CSF1R: variants seen among roughly 807,000 people sequenced by gnomAD.
The protein encoded by CSF1R is macrophage colony-stimulating factor 1 receptor.
A neutral mutation model predicts 110.0 loss-of-function variants in CSF1R; 40 were observed. The ratio of observed to expected loss-of-function variants is 0.36; its 90% confidence interval spans 0.28 to 0.47. The LOEUF (loss-of-function observed/expected upper bound fraction) is 0.47. Ranked by LOEUF, CSF1R falls within the 20% of genes least tolerant of loss-of-function variation. The pLI, the probability that CSF1R is intolerant of heterozygous loss-of-function variation, is 0.99. For synonymous variants in CSF1R, 523 were observed against 503.4 expected (o/e 1.04, Z -0.52); for missense variants, 1,052 against 1,253.0 (o/e 0.84, Z 2.42).
At position 150,073,512 on chromosome 5, in the gene CSF1R, A is replaced by C. The variant is rs1337113770; in HGVS notation, c.890-19T>G. The C allele has an allele frequency of 6.2e-7, 1 of 1,605,820 alleles. No homozygotes were observed. The highest frequency in any genetic ancestry group is 2.2e-5 in the East Asian group (1 of 44,630). On this transcript the variant is annotated intron_variant, in intron 5 of 20. Transcript: ENST00000675795. ...GCACTCTCTGGAAAGCAGAACACAC[A>C]AGCATCTGGCATTAGTGGGAAGATG...
intron 10 of CSF1R, among the ~76,000 whole-genome samples, chr5:150,066,640 G>GA (rs1236551975): frequency 1.3e-5 from 2 of 152,248 alleles, no homozygotes; most frequent in Non-Finnish European, 2.9e-5. Context: ...AGTGCTGGCA[G>GA]GAGTAGAGAT....
rs138251519 is a variant in CSF1R at position 150,073,350 on chromosome 5, G to C, written c.1033C>G (p.His345Asp). 3.1e-6 allele frequency: 5 copies of C among 1,613,892 alleles called. No individual in the cohort carries two copies. In the African/African-American group the frequency reaches 6.7e-5, roughly 22 times the overall value. ...NWTYLGPFSD[H>D]QPEPKLANAT... ...TTAGCAAGCTTGGGCTCAGGCTGGT[G>C]GTCAGAAAAGGGTCCCAGGTAGGTC... is the stretch of plus-strand genomic sequence containing the variant. Residue 345 changes from histidine (H) to aspartate (D), a missense_variant, in exon 6 of 21, where the codon CAC (histidine) becomes GAC (aspartate). By Grantham distance (81) the His-to-Asp change is moderately conservative. Around this residue, in one of 5 missense-constraint regions of CSF1R, gnomAD observed 693 missense variants for 735.4 expected, o/e 0.94. Coordinates refer to ENST00000675795, the MANE Select transcript of CSF1R (RefSeq NM_001288705.3).
chr5:150,076,655 G>A (rs755110988), intron 5 of CSF1R, among the ~76,000 whole-genome samples: 3 of 152,082 alleles, frequency 2.0e-5, no homozygotes, highest in Non-Finnish European at 2.9e-5. Flanking sequence ...CACCTCCTCT[G>A]CTCCCCTGTG....
intron 3 of CSF1R, 48 bp downstream of exon 3, chr5:150,080,004 C>A: frequency 6.3e-7 from 1 of 1,585,394 alleles, no homozygotes; most frequent in Non-Finnish European, 8.6e-7. Context: ...CGCCGGCTCT[C>A]TGTCCCCACT....
rs557251424 is a variant in CSF1R at position 150,059,789 on chromosome 5, G to A, written c.2043C>T (p.Ala681=). The A allele has an allele frequency of 1.2e-6, 2 of 1,614,174 alleles. No individual in the cohort carries two copies. Among genetic ancestry groups the A allele is most frequent in the South Asian group, 2.2e-5 (2 of 91,084 alleles). ...LLNFLRRKAE[A]MLGPSLSPGQ... Reference sequence around the variant, plus strand: ...CGGGGCTCAGGCTGGGTCCCAGCATGGCCTCAGCCTTCCTTCGCAGAAAGT... The same window carrying A: ...CGGGGCTCAGGCTGGGTCCCAGCATAGCCTCAGCCTTCCTTCGCAGAAAGT... The change falls in exon 14 of 21, where the codon GCC becomes GCT. Residue 681 remains alanine, a synonymous_variant. Transcript: ENST00000675795.
intron 1 of CSF1R, among the ~76,000 whole-genome samples, chr5:150,095,834 C>T (rs187057858): frequency 6.7e-6 from 1 of 148,316 alleles, no homozygotes; most frequent in African/African-American, 2.5e-5. Context: ...TCAATACCAA[C>T]CCTACCAACA....
intron 1 of CSF1R, among the ~76,000 whole-genome samples, chr5:150,106,772 C>A (rs1358693343): frequency 1.3e-5 from 2 of 152,166 alleles, no homozygotes; most frequent in African/African-American, 4.8e-5. Context: ...ACTTGCAGCT[C>A]CTGCATACAC....
chr5:150,086,574 C>T, upstream of CSF1R: 2 of 676,656 alleles, frequency 3.0e-6, no homozygotes, highest in Non-Finnish European at 5.0e-6. Context: ...TCCTCTTCCT[C>T]CTCCTTGGGC....
chr5:150,075,926 C>T (rs997615208), intron 5 of CSF1R, among the ~76,000 whole-genome samples: 1 of 152,250 alleles, frequency 6.6e-6, no homozygotes, highest in African/African-American at 2.4e-5. Context: ...GTGCCTTGCA[C>T]ATACTCTAGG....
Position 150,053,835 on chromosome 5 carries a change from A to G in CSF1R, c.*234T>C, listed in dbSNP as rs114947856. 584 of 503,828 alleles carry G rather than the reference A, an allele frequency of 1.2e-3. 5 individuals are homozygous for G. In the African/African-American group the frequency reaches 0.015, roughly 13 times the overall value. The allele number at this position is 503,828 out of a possible 1,614,324, so 31.2% of individuals were successfully genotyped here. A position where few individuals can be genotyped will look rare whatever the true frequency, so the allele number is the denominator to read the frequency against. ...GCCAACACCATGAGAACAGTAGGGG[A>G]GGGGGGGGTGAGGGCTCAGCCCCCA... On this transcript the variant is annotated 3_prime_UTR_variant, in exon 21 of 21. Transcript: ENST00000675795.
At position 150,084,386 on chromosome 5, in the gene CSF1R, AGAAAGAAGGAAGGAAGGAAGGAAG is replaced by A. The variant is rs1220380276; in HGVS notation, c.49+1969_49+1992del. On this transcript the variant is annotated intron_variant, in intron 1 of 20. Coordinates refer to ENST00000675795, the MANE Select transcript of CSF1R (RefSeq NM_001288705.3). ...AAGAAAGAAAGAAAGAAAGAAAGAA[AGAAAGAAGGAAGGAAGGAAGGAAG>A]GAAGGAAGGAAGGAAGGAAGGAAGG... Among the ~76,000 whole-genome samples the A allele has an allele frequency of 1.9e-3, 88 of 45,400 alleles. 1 individual carries two copies. Among genetic ancestry groups the A allele is most frequent in the South Asian group, 5.3e-3 (8 of 1,496 alleles). 29.8% of individuals were successfully genotyped at this position (45,400 alleles called of 152,430 possible). A position where few individuals can be genotyped will look rare whatever the true frequency, so the allele number is the denominator to read the frequency against.
At chr5:150,105,388 T>G (rs866469503) in intron 1 of CSF1R, among the ~76,000 whole-genome samples, 1 of 72,948 alleles carries the variant, frequency 1.4e-5, no homozygotes, top group Non-Finnish European at 3.2e-5. Context: ...ATATATATTT[T>G]TTTTTTTTTA....
intron 10 of CSF1R, among the ~76,000 whole-genome samples, chr5:150,066,479 G>T (rs927439966): frequency 2.0e-5 from 3 of 152,208 alleles, no homozygotes; most frequent in African/African-American, 4.8e-5. Flanking sequence ...GGGGCTGTTA[G>T]AGAACACCCA....
chr5:150,056,362 G>C, intron 16 of CSF1R, 21 bp from the exon 17 acceptor site: 1 of 1,613,872 alleles, frequency 6.2e-7, no homozygotes, highest in Non-Finnish European at 8.5e-7. Context: ...GCACTGCAGG[G>C]TTAGTCTTGG....
chr5:150,076,324 AT>A (rs1758257541), intron 5 of CSF1R, among the ~76,000 whole-genome samples: 16 of 974 alleles, frequency 0.016, no homozygotes, highest in Admixed American at 0.15. Flanking sequence ...AGTACTTCCT[AT>A]CTATCTATCT....
rs377406801 is a variant in CSF1R at position 150,077,370 on chromosome 5, G to A, written c.795C>T (p.Leu265=). The A allele has an allele frequency of 9.9e-6, 16 of 1,614,078 alleles. No homozygotes were observed. The highest frequency in any genetic ancestry group is 2.2e-5 in the East Asian group (1 of 44,902). Residue 265 remains leucine (L), a synonymous_variant, in exon 5 of 21, where the codon CTC becomes CTT. Transcript: ENST00000675795. ...CGGCATGTTGGAAATCTACTTGATC[G>A]AGGTTGAGGGTCAGGACTTTTTGGT... The part of the protein sequence containing the change: ...NRYQKVLTLN[L]DQVDFQHAGN...
At chr5:150,066,089 C>T (rs1467489514) in intron 10 of CSF1R, among the ~76,000 whole-genome samples, 1 of 152,184 alleles carries the variant, frequency 6.6e-6, no homozygotes, top group Non-Finnish European at 1.5e-5. Flanking sequence ...CTGGGCCAAA[C>T]AACCGCTTTG....
At chr5:150,098,511 T>C (rs970593040) in intron 1 of CSF1R, 4 of 152,408 alleles carry the variant, frequency 2.6e-5, no homozygotes, top group African/African-American at 9.6e-5. Context: ...CCTTAAAAAG[T>C]AAATCTATAA....
In CSF1R at chr5:150,056,269, C is replaced by T. The variant is rs1209791630; in HGVS notation, c.2392G>A (p.Gly798Arg). Residue 798 changes from glycine (G) to arginine (R), a missense_variant, in exon 17 of 21, where the codon GGG (glycine) becomes AGG (arginine). Transcript: ENST00000675795. ...NGHVAKIGDF[G>R]LARDIMNDSN... The stretch of plus-strand genomic sequence containing the variant: ...TCATTCATGATGTCCCTAGCCAGCC[C>T]GAAGTCCCCAATCTTGGCCACATGA... The T allele has an allele frequency of 6.2e-7, 1 of 1,614,050 alleles. No individual in the cohort carries two copies. The highest frequency in any genetic ancestry group is 8.5e-7 in the Non-Finnish European group (1 of 1,180,044).
Sources: allele counts gnomAD v4.1 joint callset (sites outside exome capture counted in the v4.1 genomes callset), GRCh38; gene constraint gnomAD v4.1.1; regional missense constraint gnomAD v4.1.1; transcripts MANE v1.5; gene names NCBI Gene and HGNC (gene_info 2026-07-23, HGNC 2026-07-21).